Variants in CACNA1S observed in about 807,000 individuals in gnomAD.
CACNA1S encodes the protein voltage-dependent L-type calcium channel subunit alpha-1S.
In CACNA1S, 126 loss-of-function variants were observed where a neutral mutation model predicts 207.4. That is an observed-to-expected ratio of 0.61 (90% CI 0.53 to 0.70). The LOEUF (loss-of-function observed/expected upper bound fraction) is 0.70, where lower values mean the gene tolerates loss of function less well. CACNA1S is among the 30% of genes least tolerant of loss of function. CACNA1S has a pLI of 0.00. For synonymous variants in CACNA1S, 960 were observed against 932.7 expected, an observed-to-expected ratio of 1.03 and a Z score of -0.53; for missense variants, 2,349 against 2,422.8, an observed-to-expected ratio of 0.97 and a Z score of 0.64.
chr1:201,057,725 G>A (rs1660895328), intron 28 of CACNA1S, among the ~76,000 whole-genome samples: 1 of 152,194 alleles, frequency 6.6e-6, no homozygotes, highest in Admixed American at 6.5e-5. Context: ...ACTTTGGGAG[G>A]CTGAGGCAGG....
chr1:201,060,947 G>A, intron 25 of CACNA1S, 131 bp from the exon 26 acceptor site: 1 of 1,121,988 alleles, frequency 8.9e-7, no homozygotes, highest in Non-Finnish European at 1.3e-6. Flanking sequence ...ACTGTGAACT[G>A]TTTAGGGGAA....
chr1:201,095,121 G>GGT (rs55654000), intron 2 of CACNA1S, among the ~76,000 whole-genome samples: 3,481 of 148,940 alleles, frequency 0.023, 142 homozygotes, highest in African/African-American at 0.078. Context: ...AGCTCCAGGA[G>GGT]GTGTGTGTGT....
At chr1:201,106,290 C>G (rs1174411428) in intron 2 of CACNA1S, among the ~76,000 whole-genome samples, 2 of 152,152 alleles carry the variant, frequency 1.3e-5, no homozygotes, top group Non-Finnish European at 2.9e-5. Context: ...TGGATGACTT[C>G]CCTGGGCTCC....
In CACNA1S at chr1:201,049,002, C is replaced by T. The variant is rs1270250403; in HGVS notation, c.4338+1G>A. On this transcript the variant is annotated splice_donor_variant, in intron 35 of 43. Coordinates refer to ENST00000362061, the MANE Select transcript of CACNA1S (RefSeq NM_000069.3). LOFTEE classifies it high-confidence loss of function. ...CACCCATCCCTGGCAGCTCTGGTTA[C>T]CTTACAAGCTACCCGATGTGGGCAG... is the stretch of plus-strand genomic sequence containing the variant. 6.2e-7 allele frequency: 1 copy of T among 1,612,272 alleles called. No homozygotes were observed. Among genetic ancestry groups the T allele is most frequent in the African/African-American group, 1.3e-5 (1 of 74,894 alleles).
intron 16 of CACNA1S, 136 bp downstream of exon 16, chr1:201,072,619 T>A (rs535160181): frequency 1.3e-6 from 1 of 748,060 alleles, no homozygotes; most frequent in East Asian, 2.5e-5. Context: ...AGAAGGGATG[T>A]CTCCGGTGTT....
rs1197475814 is a variant in CACNA1S, at chr1:201,047,120, T to C, written c.4663A>G (p.Ile1555Val). ...GYRPKKDIVQ[I>V]QAGLRTIEEE... ...CATACCTGGATTGGGCTTACCTGGA[T>C]CTGTACAATGTCCTTCTTGGGCCGA... Residue 1555 changes from isoleucine to valine, a missense_variant, in exon 38 of 44, where the codon ATC (isoleucine) becomes GTC (valine). By Grantham distance (29) the Ile-to-Val change is conservative (BLOSUM62 3). Coordinates refer to ENST00000362061, the MANE Select transcript of CACNA1S (RefSeq NM_000069.3). 6.2e-7 allele frequency: 1 copy of C among 1,614,198 alleles called. No individual in the cohort carries two copies. Among genetic ancestry groups the C allele is most frequent in the Non-Finnish European group, 8.5e-7 (1 of 1,180,034 alleles).
chr1:201,040,760 C>G (rs1169737851), intron 41 of CACNA1S, 47 bp from the exon 42 acceptor site: 4 of 1,487,776 alleles, frequency 2.7e-6, no homozygotes, highest in Non-Finnish European at 3.7e-6. Context: ...TGACTCCTGC[C>G]AGGAGCCCTG....
Position 201,061,971 on chromosome 1 carries a change from G to T in CACNA1S, c.3026C>A (p.Thr1009Lys), listed in dbSNP as rs200224590. 24 of 1,614,088 alleles carry T rather than the reference G, an allele frequency of 1.5e-5. No homozygotes were observed. The highest frequency in any genetic ancestry group is 1.9e-5 in the Non-Finnish European group (22 of 1,180,028). ...NVLSAMMSLF[T>K]VSTFEGWPQL... Reference sequence around the variant, plus strand: ...AGGCCATCCCTCGAAGGTGGAGACCGTGAAGAGGGACATCATGGCTGAGAG... The same window carrying T: ...AGGCCATCCCTCGAAGGTGGAGACCTTGAAGAGGGACATCATGGCTGAGAG... The change falls in exon 24 of 44, where the codon ACG becomes AAG. Residue 1009 changes from threonine (T) to lysine (K), a missense_variant. Thr to Lys is a moderately conservative substitution (Grantham distance 78, BLOSUM62 -1). Coordinates refer to ENST00000362061, the MANE Select transcript of CACNA1S (RefSeq NM_000069.3).
At chr1:201,083,434 G>A (rs12743065) in intron 9 of CACNA1S, 112 bp from the exon 10 acceptor site, 17 of 1,048,836 alleles carry the variant, frequency 1.6e-5, no homozygotes, top group South Asian at 1.3e-5. Context: ...CCCCACTTCC[G>A]CCAGCCACAT....
chr1:201,070,545 G>T, intron 16 of CACNA1S, 141 bp from the exon 17 acceptor site: 3 of 1,069,188 alleles, frequency 2.8e-6, no homozygotes, highest in Non-Finnish European at 4.2e-6. Flanking sequence ...TAGGGCTTTG[G>T]CAGAGTCCAG....
chr1:201,103,096 A>G (rs181793023), intron 2 of CACNA1S, among the ~76,000 whole-genome samples: 1 of 152,144 alleles, frequency 6.6e-6, no homozygotes, highest in African/African-American at 2.4e-5. Context: ...ACAAAAAAAA[A>G]TTAGCCAGGT....
At chr1:201,059,590 A>G (rs1374166193) in intron 26 of CACNA1S, among the ~76,000 whole-genome samples, 1 of 152,254 alleles carries the variant, frequency 6.6e-6, no homozygotes, top group African/African-American at 2.4e-5. Flanking sequence ...GCAGGGCTGC[A>G]AGGCCAAAGC....
At chr1:201,072,698 G>T (rs1295052663) in intron 16 of CACNA1S, 57 bp downstream of exon 16, 3 of 1,330,802 alleles carry the variant, frequency 2.3e-6, no homozygotes, top group East Asian at 2.3e-5. Flanking sequence ...ATTCAGGACC[G>T]GCACACCCCT....
At chr1:201,092,357 T>G (rs1475028742) in intron 3 of CACNA1S, among the ~76,000 whole-genome samples, 2 of 152,170 alleles carry the variant, frequency 1.3e-5, no homozygotes, top group African/African-American at 2.4e-5. Context: ...ACTTGTGAGG[T>G]CTACTTTGGG....
intron 13 of CACNA1S, 124 bp downstream of exon 13, chr1:201,075,371 G>C: frequency 8.7e-7 from 1 of 1,145,906 alleles, no homozygotes; most frequent in Admixed American, 1.7e-5. Context: ...GCATGGGCCT[G>C]GGAGCTCCCC....
chr1:201,065,413 T>C (rs988786340), intron 22 of CACNA1S, among the ~76,000 whole-genome samples: 1 of 152,248 alleles, frequency 6.6e-6, no homozygotes, highest in Admixed American at 6.5e-5. Context: ...TGAAGTTTCA[T>C]AGTCATATTT....
chr1:201,087,390 C>T (rs555607680), intron 7 of CACNA1S, among the ~76,000 whole-genome samples: 13 of 152,102 alleles, frequency 8.5e-5, no homozygotes, highest in East Asian at 3.8e-4. Flanking sequence ...TGTGCTTAAC[C>T]GAAAGCCCCA....
At chr1:201,043,636 A>G in intron 39 of CACNA1S, 105 bp from the exon 40 acceptor site, 1 of 1,061,856 alleles carries the variant, frequency 9.4e-7, no homozygotes, top group Non-Finnish European at 1.4e-6. Context: ...GTATTGGGAG[A>G]CAAATCTTAT....
intron 34 of CACNA1S, among the ~76,000 whole-genome samples, chr1:201,049,330 G>A (rs1393594770): frequency 2.0e-5 from 3 of 152,230 alleles, no homozygotes; most frequent in Non-Finnish European, 2.9e-5. Context: ...CTCCTTTGGC[G>A]CATTCCCTCA....
Sources: allele counts gnomAD v4.1 joint callset (sites outside exome capture counted in the v4.1 genomes callset), GRCh38; gene constraint gnomAD v4.1.1; transcripts MANE v1.5; gene names NCBI Gene and HGNC (gene_info 2026-07-23, HGNC 2026-07-21).